PTPDC1: variants seen among roughly 807,000 people sequenced by gnomAD.
PTPDC1 encodes the protein protein tyrosine phosphatase domain containing 1, also known as protein tyrosine phosphatase domain-containing protein 1.
A neutral mutation model predicts 75.3 loss-of-function variants in PTPDC1; 53 were observed. The observed-to-expected ratio is 0.70, with a 90% CI of 0.56 to 0.88. The LOEUF is 0.88. Among genes scored for constraint, PTPDC1 ranks in the 40% least tolerant of loss-of-function variants. The pLI, the probability that PTPDC1 is intolerant of heterozygous loss-of-function variation, is 0.00. For missense variants in PTPDC1, 925 were observed against 998.6 expected, an observed-to-expected ratio of 0.93 and a Z score of 0.99; for synonymous variants, 349 against 366.2, an observed-to-expected ratio of 0.95 and a Z score of 0.54.
intron 6 of PTPDC1, among the ~76,000 whole-genome samples, chr9:94,098,968 CATAA>C (rs1352382596): frequency 4.6e-5 from 7 of 152,208 alleles, no homozygotes; most frequent in Non-Finnish European, 7.3e-5. Context: ...GACGTGCAGA[CATAA>C]ATAAAATGTT....
chr9:94,074,599 G>A (rs537140359), intron 2 of PTPDC1, among the ~76,000 whole-genome samples: 4 of 152,246 alleles, frequency 2.6e-5, no homozygotes, highest in South Asian at 4.2e-4. Flanking sequence ...TACAGGTGGA[G>A]TTGGGAGTTC....
intron 1 of PTPDC1, among the ~76,000 whole-genome samples, chr9:94,064,440 T>C (rs1289322007): frequency 6.6e-6 from 1 of 152,258 alleles, no homozygotes; most frequent in Non-Finnish European, 1.5e-5. Flanking sequence ...CTTTTCTCAA[T>C]GGAAACTGTA....
intron 2 of PTPDC1, among the ~76,000 whole-genome samples, chr9:94,087,112 A>C (rs1433226595): frequency 6.6e-6 from 1 of 152,234 alleles, no homozygotes; most frequent in African/African-American, 2.4e-5. Context: ...CTACCCATTG[A>C]GTAACAATCC....
intron 7 of PTPDC1, 85 bp from the exon 8 acceptor site, chr9:94,104,190 A>T: frequency 1.2e-6 from 1 of 816,354 alleles, no homozygotes; most frequent in South Asian, 1.7e-5. Context: ...GTCACAAACC[A>T]ATTCTTGACT....
intron 2 of PTPDC1, among the ~76,000 whole-genome samples, chr9:94,074,353 A>G (rs1423169459): frequency 1.3e-5 from 2 of 152,162 alleles, no homozygotes; most frequent in African/African-American, 2.4e-5. Context: ...AAAGTGGAAC[A>G]TTGCCTTGCA....
chr9:94,103,833 C>T (rs1827926421), intron 7 of PTPDC1, among the ~76,000 whole-genome samples: 1 of 152,166 alleles, frequency 6.6e-6, no homozygotes, highest in East Asian at 1.9e-4. Flanking sequence ...TTTTCTTTGT[C>T]TACCTGCCTC....
In PTPDC1 at chr9:94,039,296, G is replaced by T. The variant is rs547375881; in HGVS notation, c.-7+8169G>T. ...TTCTAAATGTCTTTATAGTCTATGA[G>T]AAATTATATACAAATAACTCAGGCC... On this transcript the variant is annotated intron_variant, in intron 1 of 9. Coordinates refer to the PTPDC1 transcript ENST00000375360. Among the ~76,000 whole-genome samples the T allele has an allele frequency of 2.6e-3, 402 of 151,960 alleles. 1 individual carries two copies. The highest frequency in any genetic ancestry group is 4.4e-3 in the Non-Finnish European group (298 of 67,974).
chr9:94,056,208 C>T (rs1324685846), intron 1 of PTPDC1, among the ~76,000 whole-genome samples: 1 of 152,076 alleles, frequency 6.6e-6, no homozygotes, highest in East Asian at 1.9e-4. Flanking sequence ...GGAACAGTAC[C>T]TGGCATGGTG....
chr9:94,052,343 T>A (rs544721743), intron 1 of PTPDC1, among the ~76,000 whole-genome samples: 2 of 152,276 alleles, frequency 1.3e-5, no homozygotes, highest in African/African-American at 4.8e-5. Context: ...TTCTATTATT[T>A]CTCTTCTTTT....
At chr9:94,062,149 A>T (rs1826162982) in intron 1 of PTPDC1, among the ~76,000 whole-genome samples, 2 of 152,102 alleles carry the variant, frequency 1.3e-5, no homozygotes, top group South Asian at 4.1e-4. Context: ...GATACCCTAA[A>T]TTCTCTCTCA....
chr9:94,063,712 A>G (rs566135313), intron 1 of PTPDC1, among the ~76,000 whole-genome samples: 1 of 152,332 alleles, frequency 6.6e-6, no homozygotes, highest in South Asian at 2.1e-4. Flanking sequence ...AGATTTGAGA[A>G]GTGACTTTTT....
intron 4 of PTPDC1, among the ~76,000 whole-genome samples, chr9:94,094,349 G>A (rs551193616): frequency 4.2e-4 from 38 of 89,978 alleles, no homozygotes; most frequent in Admixed American, 5.1e-4. Context: ...CGTGTGAGGT[G>A]TCAGTGTGCC....
chr9:94,039,415 A>C (rs1013316389), intron 1 of PTPDC1, among the ~76,000 whole-genome samples: 2 of 152,202 alleles, frequency 1.3e-5, no homozygotes, highest in African/African-American at 4.8e-5. Flanking sequence ...AATGTATGTA[A>C]TAGTAGCCAG....
intron 7 of PTPDC1, among the ~76,000 whole-genome samples, chr9:94,102,154 CTG>C (rs749534232): frequency 8.5e-5 from 13 of 152,138 alleles, no homozygotes; most frequent in East Asian, 5.8e-4. Context: ...TAACACGAGA[CTG>C]TGCCATAATT....
intron 4 of PTPDC1, among the ~76,000 whole-genome samples, chr9:94,093,650 G>C (rs1306027262): frequency 6.7e-6 from 1 of 150,330 alleles, no homozygotes; most frequent in Non-Finnish European, 1.5e-5. Context: ...GATTGGGGAA[G>C]TTCTCCTGGA....
At chr9:94,046,159 G>A (rs377064556) in intron 1 of PTPDC1, among the ~76,000 whole-genome samples, 2 of 152,082 alleles carry the variant, frequency 1.3e-5, no homozygotes, top group African/African-American at 2.4e-5. Context: ...AGTTGTAGAT[G>A]TGTGGCATTA....
chr9:94,054,803 C>T (rs1825886744), intron 1 of PTPDC1, among the ~76,000 whole-genome samples: 1 of 152,150 alleles, frequency 6.6e-6, no homozygotes, highest in African/African-American at 2.4e-5. Flanking sequence ...CCCAAATGGG[C>T]CAGTTTTCTA....
At chr9:94,087,970 G>A (rs1827137900) in intron 3 of PTPDC1, 59 bp downstream of exon 3, 1 of 1,513,192 alleles carries the variant, frequency 6.6e-7, no homozygotes. Flanking sequence ...TTCTTTCATT[G>A]CCTTTGTTTC....
intron 1 of PTPDC1, among the ~76,000 whole-genome samples, chr9:94,061,196 G>A (rs1012457130): frequency 6.6e-6 from 1 of 152,204 alleles, no homozygotes; most frequent in Non-Finnish European, 1.5e-5. Context: ...GACCCAGCAG[G>A]GCACTCATTC....
Sources: allele counts gnomAD v4.1 joint callset (sites outside exome capture counted in the v4.1 genomes callset), GRCh38; gene constraint gnomAD v4.1.1; transcripts MANE v1.5; gene names NCBI Gene and HGNC (gene_info 2026-07-23, HGNC 2026-07-21).